The following SCMH1 variants were observed in gnomAD, a reference collection of about 807,000 sequenced individuals.
The protein encoded by SCMH1 is Scm polycomb group protein homolog 1, also known as polycomb protein SCMH1.
Under a neutral mutation model 70.8 loss-of-function variants are expected in SCMH1, and 37 were observed. That is an observed-to-expected ratio of 0.52 (90% confidence interval 0.40 to 0.69). SCMH1 has a LOEUF of 0.69. Among genes scored for constraint, SCMH1 ranks in the 30% least tolerant of loss-of-function variants. The probability of loss-of-function intolerance (pLI) is 0.00; values close to 1 mark genes in which losing one functional copy is unlikely to be tolerated. For missense variants in SCMH1, 607 were observed against 827.3 expected (o/e 0.73, Z 3.27); for synonymous variants, 292 against 307.4 (o/e 0.95, Z 0.52).
At chr1:41,168,362 T>G (rs1646551760) in intron 2 of SCMH1, among the ~76,000 whole-genome samples, 1 of 152,188 alleles carries the variant, frequency 6.6e-6, no homozygotes, top group Admixed American at 6.5e-5. Context: ...TGGATTTTTT[T>G]CAGTGACCTG....
At chr1:41,105,152 C>A (rs1369751549) in intron 8 of SCMH1, among the ~76,000 whole-genome samples, 2 of 150,734 alleles carry the variant, frequency 1.3e-5, no homozygotes, top group Non-Finnish European at 1.5e-5. Flanking sequence ...TTTGTAGAGA[C>A]AGGGTTTCAC....
chr1:41,129,841 C>G (rs1674191516), intron 6 of SCMH1, among the ~76,000 whole-genome samples: 1 of 152,144 alleles, frequency 6.6e-6, no homozygotes, highest in Non-Finnish European at 1.5e-5. Context: ...AGGCTGGCCT[C>G]GAACTCCTGG....
rs540615980 is a variant in SCMH1, at chr1:41,163,670, A to G, written c.14-2238T>C. 2.6e-4 allele frequency among the ~76,000 whole-genome samples: 40 copies of G among 152,338 alleles called. No individual in the cohort carries two copies. The South Asian group carries it at 8.3e-3, about 32-fold the overall frequency. On this transcript the variant is annotated intron_variant, in intron 2 of 14. Coordinates refer to ENST00000337495, the Ensembl canonical transcript of SCMH1. ...CTCAGAAGCTAAGGAGTGAGGCCTC[A>G]GAAGAAAGAAATCAACCTTGCCAAT...
chr1:41,115,706 C>T (rs1268638935), intron 7 of SCMH1, among the ~76,000 whole-genome samples: 5 of 152,168 alleles, frequency 3.3e-5, no homozygotes, highest in Admixed American at 3.3e-4. Flanking sequence ...CTTTTAGTAT[C>T]AAAGTCTTGC....
intron 8 of SCMH1, among the ~76,000 whole-genome samples, chr1:41,079,268 T>C (rs530404994): frequency 6.6e-6 from 1 of 152,226 alleles, no homozygotes; most frequent in East Asian, 1.9e-4. Flanking sequence ...AAATGTTGAC[T>C]TAAACCCAAA....
At chr1:41,107,519 TAC>T (rs1242661440) in intron 8 of SCMH1, among the ~76,000 whole-genome samples, 1 of 150,506 alleles carries the variant, frequency 6.6e-6, no homozygotes, top group Admixed American at 6.6e-5. Flanking sequence ...AGTCTAGGAT[TAC>T]ATTTTTTTTT....
intron 2 of SCMH1, among the ~76,000 whole-genome samples, chr1:41,162,096 C>CAA (rs1646081951): frequency 6.6e-6 from 1 of 152,122 alleles, no homozygotes; most frequent in Non-Finnish European, 1.5e-5. Context: ...CCTCCTGCTC[C>CAA]ATGGAACAGG....
chr1:41,218,774 A>G (rs1247209634), intron 1 of SCMH1, among the ~76,000 whole-genome samples: 5 of 152,228 alleles, frequency 3.3e-5, no homozygotes, highest in African/African-American at 4.8e-5. Context: ...AGGAAAAGAA[A>G]TAACTTTCTG....
chr1:41,048,733 G>A lies in SCMH1; in HGVS notation c.1263C>T (p.Val421=), dbSNP rs766171836. The A allele has an allele frequency of 5.0e-6, 8 of 1,614,058 alleles. No individual in the cohort carries two copies. The South Asian group carries it at 6.6e-5, about 13-fold the overall frequency. The change falls in exon 11 of 15, where the codon GTC becomes GTT. Residue 421 remains valine, a synonymous_variant. Coordinates refer to ENST00000337495, the Ensembl canonical transcript of SCMH1. ...CATGGCCTTGCTTGAGGAAGCTGAA[G>A]ACGGTTTTCTGGTGATAAGCACAGT...
chr1:41,073,839 A>C (rs1657354495), intron 9 of SCMH1, among the ~76,000 whole-genome samples: 1 of 152,228 alleles, frequency 6.6e-6, no homozygotes, highest in South Asian at 2.1e-4. Flanking sequence ...ATAAACAAGC[A>C]AAACAAACCA....
intron 10 of SCMH1, among the ~76,000 whole-genome samples, chr1:41,066,138 A>G (rs1654513679): frequency 6.6e-6 from 1 of 152,146 alleles, no homozygotes; most frequent in South Asian, 2.1e-4. Context: ...CAGTCTGCCA[A>G]TGGCTAGGAT....
intron 6 of SCMH1, among the ~76,000 whole-genome samples, chr1:41,131,296 T>C (rs1674637391): frequency 6.6e-6 from 1 of 152,200 alleles, no homozygotes; most frequent in African/African-American, 2.4e-5. Context: ...ACTATAGCTT[T>C]GTAGTAAGTT....
intron 8 of SCMH1, among the ~76,000 whole-genome samples, chr1:41,108,880 A>C (rs1419930221): frequency 6.6e-6 from 1 of 152,202 alleles, no homozygotes; most frequent in Non-Finnish European, 1.5e-5. Context: ...ACATGTAAGA[A>C]TGACTTGCTC....
At chr1:41,236,543 C>T (rs1662419560) in intron 1 of SCMH1, among the ~76,000 whole-genome samples, 1 of 152,102 alleles carries the variant, frequency 6.6e-6, no homozygotes, top group Non-Finnish European at 1.5e-5. Flanking sequence ...GAAGACAGAC[C>T]GTTTGATTCT....
chr1:41,163,254 G>A (rs1175415491), intron 2 of SCMH1, among the ~76,000 whole-genome samples: 1 of 152,018 alleles, frequency 6.6e-6, no homozygotes, highest in Non-Finnish European at 1.5e-5. Flanking sequence ...GCCCACTTGC[G>A]GCAGGAGCTG....
chr1:41,055,034 T>C (rs1649740707), intron 10 of SCMH1, among the ~76,000 whole-genome samples: 1 of 152,102 alleles, frequency 6.6e-6, no homozygotes, highest in African/African-American at 2.4e-5. Flanking sequence ...CCTCCCACCT[T>C]GGCCTTCCAA....
intron 13 of SCMH1, among the ~76,000 whole-genome samples, chr1:41,030,303 G>A (rs1324296505): frequency 6.6e-6 from 1 of 152,200 alleles, no homozygotes; most frequent in Non-Finnish European, 1.5e-5. Flanking sequence ...CTTTGCATAT[G>A]AAATGAAATC....
rs1167028013 is a variant in SCMH1, at chr1:41,203,372, TA to T, written c.-117-17123del. On this transcript the variant is annotated intron_variant, in intron 1 of 14. Coordinates refer to ENST00000337495, the Ensembl canonical transcript of SCMH1. ...TAAATTTACTTAAAATAAAATAAAA[TA>T]AAAAATTCATTACATCCAGTCATAT... is the stretch of plus-strand genomic sequence containing the variant. Among the ~76,000 whole-genome samples the T allele has an allele frequency of 2.0e-5, 3 of 152,094 alleles. No individual in the cohort carries two copies. The East Asian group carries it at 5.8e-4, about 29-fold the overall frequency.
At chr1:41,179,351 AG>A (rs1324963026) in intron 2 of SCMH1, among the ~76,000 whole-genome samples, 1 of 152,258 alleles carries the variant, frequency 6.6e-6, no homozygotes, top group Non-Finnish European at 1.5e-5. Context: ...GCAGAAGGCA[AG>A]AAATAACTAA....
Sources: allele counts gnomAD v4.1 joint callset (sites outside exome capture counted in the v4.1 genomes callset), GRCh38; gene constraint gnomAD v4.1.1; transcripts MANE v1.5; gene names NCBI Gene and HGNC (gene_info 2026-07-23, HGNC 2026-07-21).